The following LRP1B variants were observed in gnomAD, a reference collection of about 807,000 sequenced individuals.
The protein encoded by LRP1B is low-density lipoprotein receptor-related protein 1B.
Under a neutral mutation model 556.6 loss-of-function variants are expected in LRP1B, and 217 were observed. The ratio of observed to expected loss-of-function variants is 0.39; its 90% CI spans 0.35 to 0.44. The LOEUF (loss-of-function observed/expected upper bound fraction) is 0.44. Among genes scored for constraint, LRP1B ranks in the 20% least tolerant of loss-of-function variants. LRP1B has a pLI of 1.00. For synonymous variants in LRP1B, 2,047 were observed against 1,865.8 expected (o/e 1.10, Z -2.50); for missense variants, 5,053 against 5,620.8 (o/e 0.90, Z 3.23).
At chr2:140,667,886 A>T (rs1165183540) in intron 41 of LRP1B, among the ~76,000 whole-genome samples, 1 of 152,156 alleles carries the variant, frequency 6.6e-6, no homozygotes, top group Non-Finnish European at 1.5e-5. Flanking sequence ...CACAAATCAT[A>T]CTGTGTTCTT....
intron 7 of LRP1B, among the ~76,000 whole-genome samples, chr2:141,140,844 T>G (rs1701633501): frequency 6.6e-6 from 1 of 152,120 alleles, no homozygotes; most frequent in African/African-American, 2.4e-5. Context: ...GAGATAAGCA[T>G]GTAAATATAC....
intron 69 of LRP1B, among the ~76,000 whole-genome samples, chr2:140,371,909 C>T (rs1011793304): frequency 3.3e-5 from 5 of 151,560 alleles, no homozygotes; most frequent in African/African-American, 2.4e-5. Flanking sequence ...TTTATGATGC[C>T]GAAATTAAGA....
intron 41 of LRP1B, among the ~76,000 whole-genome samples, chr2:140,663,242 AAT>A (rs774048817): frequency 2.0e-5 from 3 of 152,306 alleles, no homozygotes; most frequent in Non-Finnish European, 4.4e-5. Context: ...ATTTGAGATA[AAT>A]TACAGACTAT....
intron 7 of LRP1B, among the ~76,000 whole-genome samples, chr2:141,100,856 G>A (rs1177519577): frequency 6.6e-6 from 1 of 152,022 alleles, no homozygotes; most frequent in East Asian, 1.9e-4. Context: ...AGGCTTCCAT[G>A]ATATAGTATG....
chr2:140,884,310 A>C (rs1158360295), intron 24 of LRP1B, among the ~76,000 whole-genome samples: 1 of 152,130 alleles, frequency 6.6e-6, no homozygotes, highest in Non-Finnish European at 1.5e-5. Context: ...GCAAAAAAAA[A>C]GTTATTTCTT....
intron 18 of LRP1B, among the ~76,000 whole-genome samples, chr2:140,960,125 A>G (rs1419992169): frequency 6.6e-6 from 1 of 151,752 alleles, no homozygotes; most frequent in East Asian, 1.9e-4. Flanking sequence ...GTTGATGTCC[A>G]TTTATAATTC....
At chr2:140,955,193 G>T (rs1443242627) in intron 18 of LRP1B, among the ~76,000 whole-genome samples, 1 of 151,744 alleles carries the variant, frequency 6.6e-6, no homozygotes, top group Non-Finnish European at 1.5e-5. Context: ...GGTTTTCACA[G>T]CATTATAATA....
At chr2:142,059,787 G>A (rs1038711703) in intron 1 of LRP1B, among the ~76,000 whole-genome samples, 1 of 151,940 alleles carries the variant, frequency 6.6e-6, no homozygotes, top group African/African-American at 2.4e-5. Flanking sequence ...ATAATGCATG[G>A]ACAGCATTTC....
At chr2:142,009,915 G>A (rs1702903366) in intron 1 of LRP1B, among the ~76,000 whole-genome samples, 1 of 151,878 alleles carries the variant, frequency 6.6e-6, no homozygotes, top group Admixed American at 6.6e-5. Flanking sequence ...AATATATATA[G>A]ATGCATATGT....
chr2:141,533,297 ATAAT>A (rs1302057591), intron 2 of LRP1B, among the ~76,000 whole-genome samples: 2 of 151,684 alleles, frequency 1.3e-5, no homozygotes, highest in Non-Finnish European at 1.5e-5. Context: ...CATTAGTTCA[ATAAT>A]TAATTAGTGC....
intron 20 of LRP1B, among the ~76,000 whole-genome samples, chr2:140,930,656 C>T (rs375254406): frequency 1.3e-5 from 2 of 151,900 alleles, no homozygotes; most frequent in Non-Finnish European, 2.9e-5. Flanking sequence ...TTTTCTTTTT[C>T]GATTATTTTA....
At chr2:141,158,741 A>G (rs1558900159) in intron 7 of LRP1B, among the ~76,000 whole-genome samples, 1 of 152,128 alleles carries the variant, frequency 6.6e-6, no homozygotes, top group Non-Finnish European at 1.5e-5. Flanking sequence ...GCAAACTGTA[A>G]GAATATTCCT....
intron 79 of LRP1B, among the ~76,000 whole-genome samples, chr2:140,332,044 T>C (rs76609929): frequency 0.023 from 3,495 of 152,106 alleles, 52 homozygotes; most frequent in Non-Finnish European, 0.023. Context: ...AGGTAATAAA[T>C]TCATTTCTGA....
At chr2:140,661,257 G>A (rs1559039017) in intron 41 of LRP1B, among the ~76,000 whole-genome samples, 1 of 152,064 alleles carries the variant, frequency 6.6e-6, no homozygotes, top group Non-Finnish European at 1.5e-5. Context: ...ATGAAAAGCA[G>A]ATAGGCCCAA....
At chr2:140,899,262 T>C (rs1303122875) in intron 23 of LRP1B, among the ~76,000 whole-genome samples, 3 of 152,196 alleles carry the variant, frequency 2.0e-5, no homozygotes, top group Non-Finnish European at 2.9e-5. Flanking sequence ...TGATCCTTTT[T>C]CTTTTCCTTT....
rs927474659 is a variant in LRP1B at position 140,491,352 on chromosome 2, ATG to A, written c.9120+1254_9120+1255del. On this transcript the variant is annotated intron_variant, in intron 57 of 90. Transcript: ENST00000389484. ...TAAATGGTCAGAATGTTATGTACAT[ATG>A]TGTGTGTGTGTATATATATACAGCT... is the stretch of plus-strand genomic sequence containing the variant. Among the ~76,000 whole-genome samples the A allele has an allele frequency of 7.2e-5, 11 of 151,852 alleles. No homozygotes were observed. In the East Asian group the frequency reaches 1.7e-3, roughly 24 times the overall value.
At chr2:141,260,216 CTT>C (rs1161952116) in intron 3 of LRP1B, among the ~76,000 whole-genome samples, 1 of 152,142 alleles carries the variant, frequency 6.6e-6, no homozygotes, top group Non-Finnish European at 1.5e-5. Context: ...ACATTGATCT[CTT>C]TGTATCTATA....
At chr2:141,934,696 G>A (rs150036440) in intron 1 of LRP1B, among the ~76,000 whole-genome samples, 61 of 152,102 alleles carry the variant, frequency 4.0e-4, no homozygotes, top group East Asian at 1.9e-3. Context: ...AAGTTCTGAC[G>A]AGATCTGATC....
intron 66 of LRP1B, among the ~76,000 whole-genome samples, chr2:140,407,015 C>A (rs562966728): frequency 6.6e-6 from 1 of 151,940 alleles, no homozygotes; most frequent in Non-Finnish European, 1.5e-5. Context: ...TAGAACAGAA[C>A]AAAGAATCCA....
Sources: allele counts gnomAD v4.1 joint callset (sites outside exome capture counted in the v4.1 genomes callset), GRCh38; gene constraint gnomAD v4.1.1; transcripts MANE v1.5; gene names NCBI Gene and HGNC (gene_info 2026-07-23, HGNC 2026-07-21).